GDPD2: variants seen among roughly 807,000 people sequenced by gnomAD.
GDPD2 encodes the protein glycerophosphodiester phosphodiesterase 3.
Under a neutral mutation model 49.2 loss-of-function variants are expected in GDPD2, and 23 were observed. The ratio of observed to expected loss-of-function variants is 0.47; its 90% confidence interval spans 0.34 to 0.66. The LOEUF is 0.66. Ranked by LOEUF, GDPD2 falls within the 30% of genes least tolerant of loss-of-function variation. The pLI is 0.01. For missense variants in GDPD2, 338 were observed against 424.7 expected, an observed-to-expected ratio of 0.80 and a Z score of 1.79; for synonymous variants, 167 against 171.4, an observed-to-expected ratio of 0.97 and a Z score of 0.20.
Position 70,427,382 on chromosome X carries a change from C to T in GDPD2, c.855C>T (p.Phe285=), listed in dbSNP as rs764919642. 8 of 1,207,381 alleles carry T rather than the reference C, an allele frequency of 6.6e-6. No individual in the cohort carries two copies. The highest frequency in any genetic ancestry group is 9.0e-6 in the Non-Finnish European group (8 of 891,639). Residue 285 remains phenylalanine (F), a synonymous_variant, in exon 10 of 16, where the codon TTC becomes TTT. Coordinates refer to ENST00000374382, the MANE Select transcript of GDPD2 (RefSeq NM_017711.4). Reference sequence around the variant, plus strand: ...GGACCACGAATGTAGCCTCTGTATTCCCAACCCGAATCACAGCCCACAGCA... The same window carrying T: ...GGACCACGAATGTAGCCTCTGTATTTCCAACCCGAATCACAGCCCACAGCA... ...LSRTTNVASV[F]PTRITAHSSD...
intron 12 of GDPD2, among the ~76,000 whole-genome samples, chrX:70,431,797 A>G (rs1366927405): frequency 8.9e-6 from 1 of 111,745 alleles, no homozygotes; most frequent in East Asian, 2.8e-4. Context: ...GGCTGAGCCT[A>G]GGAGGTCAAG....
In GDPD2 at chrX:70,427,123, A is replaced by G; in HGVS notation, c.703-14A>G. The stretch of plus-strand genomic sequence containing the variant: ...ACCCTTCCCTGCTACCTCATCACCT[A>G]TTCCCTTTCCCAGCTGGCTCCCGAG... On this transcript the variant is annotated splice_polypyrimidine_tract_variant and intron_variant, in intron 8 of 15. Transcript: ENST00000374382. The G allele has an allele frequency of 1.7e-6, 2 of 1,192,462 alleles. No homozygotes were observed. Among genetic ancestry groups the G allele is most frequent in the South Asian group, 3.5e-5 (2 of 56,497 alleles).
chrX:70,433,260 G>A lies in GDPD2; in HGVS notation c.*174G>A. ...TGCCCAGGTGATGGGCATTCCCTAA[G>A]CTGCTATGGAATCTGCTCCCTTTGG... On this transcript the variant is annotated 3_prime_UTR_variant, in exon 16 of 16. Transcript: ENST00000374382. The A allele has an allele frequency of 2.2e-6, 1 of 450,544 alleles. No homozygotes were observed. 37.1% of individuals were successfully genotyped at this position (450,544 alleles called of 1,213,427 possible).
rs2086395018 is a variant in GDPD2 at position 70,423,394 on chromosome X, CG to C, written c.-10+15del. On this transcript the variant is annotated intron_variant, in intron 1 of 15. Transcript: ENST00000374382. Reference sequence around the variant, plus strand: ...GCCGCTGAGCAAAGGTGTGAGGGTTCGGGAAGGCTGGGGGGCTACAGGTGGG... The same window carrying C: ...GCCGCTGAGCAAAGGTGTGAGGGTTCGGAAGGCTGGGGGGCTACAGGTGGG... 1 of 112,415 alleles carries C rather than the reference CG, an allele frequency of 8.9e-6. No individual in the cohort carries two copies. Among genetic ancestry groups the C allele is most frequent in the African/African-American group, 3.2e-5 (1 of 30,894 alleles). 9.3% of individuals were successfully genotyped at this position (112,415 alleles called of 1,213,427 possible).
chrX:70,429,199 A>C (rs1007492098), intron 10 of GDPD2, among the ~76,000 whole-genome samples: 2 of 111,649 alleles, frequency 1.8e-5, no homozygotes, highest in Non-Finnish European at 3.8e-5. Flanking sequence ...GTGCAGCTAG[A>C]AAGGGGCTGA....
rs1249028614 is a variant in GDPD2 at position 70,430,011 on chromosome X, A to G, written c.1255A>G (p.Arg419Gly). The G allele has an allele frequency of 8.3e-7, 1 of 1,210,464 alleles. No individual in the cohort carries two copies. Among genetic ancestry groups the G allele is most frequent in the African/African-American group, 1.7e-5 (1 of 57,805 alleles). The change falls in exon 12 of 16, where the codon AGG becomes GGG. Residue 419 changes from arginine (R) to glycine (G), a missense_variant. Arg to Gly is a moderately radical substitution (Grantham distance 125). Coordinates refer to ENST00000374382, the MANE Select transcript of GDPD2 (RefSeq NM_017711.4). ...ACGTCAGGGAGGCAACAGAACGGAG[A>G]GGCCCCAGTTTCTTAACCTCCCCTA... The part of the protein sequence containing the change: ...YGRQGGNRTE[R>G]PQFLNLPYQD...
chrX:70,427,418 C>T lies in GDPD2; in HGVS notation c.891C>T (p.Ser297=), dbSNP rs1475951813. Residue 297 remains serine, a synonymous_variant, in exon 10 of 16, where the codon TCC becomes TCT. Transcript: ENST00000374382. The stretch of plus-strand genomic sequence containing the variant: ...TCACAGCCCACAGCAGTGACTTCTC[C>T]TGGACTGAACTGAAGAGACTCAATG... ...TRITAHSSDF[S]WTELKRLNAG... is the part of the protein sequence containing the mutation. 1 of 1,208,202 alleles carries T rather than the reference C, an allele frequency of 8.3e-7. No individual in the cohort carries two copies. The highest frequency in any genetic ancestry group is 1.7e-5 in the African/African-American group (1 of 57,176).
intron 12 of GDPD2, among the ~76,000 whole-genome samples, chrX:70,431,993 T>C (rs1482121487): frequency 1.8e-5 from 2 of 112,075 alleles, no homozygotes; most frequent in East Asian, 2.8e-4. Flanking sequence ...ATAAGAGTAA[T>C]GGCTGAAGGA....
chrX:70,431,099 A>G, intron 12 of GDPD2: 3 of 1,147,138 alleles, frequency 2.6e-6, no homozygotes, highest in Non-Finnish European at 3.5e-6. Context: ...CCTCCCGGTT[A>G]TAAGCATGAG....
intron 3 of GDPD2, 41 bp from the exon 4 acceptor site, chrX:70,425,721 AC>A (rs754344206): frequency 2.6e-6 from 2 of 762,771 alleles, no homozygotes; most frequent in Non-Finnish European, 2.0e-6. Flanking sequence ...CACTATTGAC[AC>A]CCCTTCCCCC....
At chrX:70,431,225 C>T in intron 12 of GDPD2, 1 of 594,818 alleles carries the variant, frequency 1.7e-6, no homozygotes, top group Non-Finnish European at 2.7e-6. Context: ...AGCTGCTAAT[C>T]AACTGCTGAT....
Position 70,432,310 on chromosome X carries a change from A to G in GDPD2, c.1311A>G (p.Ala437=). 1 of 1,205,321 alleles carries G rather than the reference A, an allele frequency of 8.3e-7. No individual in the cohort carries two copies. Among genetic ancestry groups the G allele is most frequent in the Non-Finnish European group, 1.1e-6 (1 of 890,822 alleles). ...ATTTTCTTTCCCACCTTCACAGGGC[A>G]TTGCATAAGGATAATGTCTCGGTGA... ...YQDLPLLDIK[A]LHKDNVSVNL... is the part of the protein sequence containing the mutation. Residue 437 remains alanine (A), a synonymous_variant, in exon 13 of 16, where the codon GCA becomes GCG. Coordinates refer to ENST00000374382, the MANE Select transcript of GDPD2 (RefSeq NM_017711.4).
intron 12 of GDPD2, 77 bp from the exon 13 acceptor site, chrX:70,432,230 C>T (rs2086483878): frequency 1.1e-6 from 1 of 909,083 alleles, no homozygotes; most frequent in African/African-American, 2.0e-5. Context: ...TAGATTCAAG[C>T]ACAGGCAGGG....
rs191052048 is a variant in GDPD2, at chrX:70,433,022, C to G, written c.1568-12C>G. 2.6e-4 allele frequency: 311 copies of G among 1,195,347 alleles called. No individual in the cohort carries two copies. Among genetic ancestry groups the G allele is most frequent in the Admixed American group, 4.8e-4 (22 of 45,643 alleles). On this transcript the variant is annotated splice_polypyrimidine_tract_variant and intron_variant, in intron 15 of 15. Coordinates refer to ENST00000374382, the MANE Select transcript of GDPD2 (RefSeq NM_017711.4). The stretch of plus-strand genomic sequence containing the variant: ...AACTCCCTAGATGACCCACCCTCCC[C>G]CTCCTCCCCAGGCTTAGAAACAGCA...
At chrX:70,426,273 A>T in intron 5 of GDPD2, 98 bp from the exon 6 acceptor site, 1 of 810,823 alleles carries the variant, frequency 1.2e-6, no homozygotes, top group South Asian at 2.3e-5. Context: ...TGTCAGGGGA[A>T]GGGAAGGGTC....
chrX:70,431,084 C>T (rs747608548), intron 12 of GDPD2: 1 of 1,138,183 alleles, frequency 8.8e-7, no homozygotes, highest in East Asian at 3.3e-5. Flanking sequence ...CACTGCCCCC[C>T]TCAGCCTCCC....
chrX:70,432,242 G>C, intron 12 of GDPD2, 65 bp from the exon 13 acceptor site: 1 of 1,007,025 alleles, frequency 9.9e-7, no homozygotes, highest in Non-Finnish European at 1.4e-6. Flanking sequence ...CAGGCAGGGG[G>C]CTGCCTCCCA....
chrX:70,431,256 A>C, intron 12 of GDPD2: 1 of 514,996 alleles, frequency 1.9e-6, no homozygotes, highest in Non-Finnish European at 3.3e-6. Flanking sequence ...AAAGATGTGA[A>C]TTGGTATTGA....
intron 1 of GDPD2, among the ~76,000 whole-genome samples, chrX:70,424,262 T>C (rs5980702): frequency 0.017 from 1,836 of 111,008 alleles, 37 homozygotes; most frequent in African/African-American, 0.056. Context: ...GGGCAGGACT[T>C]GAGGGGAGGC....
Sources: allele counts gnomAD v4.1 joint callset (sites outside exome capture counted in the v4.1 genomes callset), GRCh38; gene constraint gnomAD v4.1.1; transcripts MANE v1.5; gene names NCBI Gene and HGNC (gene_info 2026-07-23, HGNC 2026-07-21).